ALOX5: variants seen among roughly 807,000 people sequenced by gnomAD.
The protein encoded by ALOX5 is arachidonate 5-lipoxygenase.
ALOX5 carries 64 observed loss-of-function variants against 87.9 expected under a neutral mutation model. The ratio of observed to expected loss-of-function variants is 0.73; its 90% CI spans 0.60 to 0.90. The LOEUF is 0.90. ALOX5 is among the 40% of genes least tolerant of loss of function. The pLI is 0.00. For synonymous variants in ALOX5, 388 were observed against 355.1 expected, an observed-to-expected ratio of 1.09 and a Z score of -1.04; for missense variants, 822 against 907.5, an observed-to-expected ratio of 0.91 and a Z score of 1.21.
chr10:45,405,900 C>A (rs1840866241), intron 3 of ALOX5, among the ~76,000 whole-genome samples: 1 of 152,092 alleles, frequency 6.6e-6, no homozygotes, highest in East Asian at 1.9e-4. Context: ...CACCATGCCC[C>A]ACTCCTGCCA....
At chr10:45,440,115 G>C (rs3780913) in intron 7 of ALOX5, among the ~76,000 whole-genome samples, 112,903 of 152,160 alleles carry the variant, frequency 0.74, 42,445 homozygotes, top group African/African-American at 0.86. Context: ...CTGGGCCTTC[G>C]GCCTGCCCGC....
chr10:45,434,131 G>A (rs533969360), intron 7 of ALOX5, among the ~76,000 whole-genome samples: 6 of 152,310 alleles, frequency 3.9e-5, no homozygotes, highest in African/African-American at 1.2e-4. Context: ...GCCCTGTTGC[G>A]GGGCTGGGGG....
At chr10:45,435,104 G>A (rs1001625315) in intron 7 of ALOX5, among the ~76,000 whole-genome samples, 2 of 152,182 alleles carry the variant, frequency 1.3e-5, no homozygotes, top group Non-Finnish European at 2.9e-5. Context: ...GGATGGGTTG[G>A]GGAAGGCCCA....
At position 45,415,438 on chromosome 10, in the gene ALOX5, G is replaced by T. The variant is rs973299165; in HGVS notation, c.554+3125G>T. On this transcript the variant is annotated intron_variant, in intron 4 of 13. Coordinates refer to ENST00000374391, the MANE Select transcript of ALOX5 (RefSeq NM_000698.5). Reference sequence around the variant, plus strand: ...CATCACACACCAGGGCCTGTCATGGGGTGGGGAGAGGGGGGAGGGATAGCA... The same window carrying T: ...CATCACACACCAGGGCCTGTCATGGTGTGGGGAGAGGGGGGAGGGATAGCA... Among the ~76,000 whole-genome samples, 36 of 152,154 alleles carry T rather than the reference G, an allele frequency of 2.4e-4. 1 individual carries two copies.
Position 45,382,550 on chromosome 10 carries a change from G to T in ALOX5, c.218G>T (p.Arg73Leu). Reference protein sequence around the residue: ...GEIQLVRIEKRKYWLNDDWYL... With the variant: ...GEIQLVRIEKLKYWLNDDWYL... ...ATCCAGCTGGTCAGAATCGAGAAGC[G>T]CAAGTACTGGCTGAATGACGACTGG... The change falls in exon 2 of 14, where the codon CGC becomes CTC. Residue 73 changes from arginine to leucine, a missense_variant. Transcript: ENST00000374391. 6.2e-7 allele frequency: 1 copy of T among 1,614,158 alleles called. No individual in the cohort carries two copies. The highest frequency in any genetic ancestry group is 8.5e-7 in the Non-Finnish European group (1 of 1,180,034).
chr10:45,389,158 A>T (rs145987786), intron 2 of ALOX5, among the ~76,000 whole-genome samples: 2,586 of 152,336 alleles, frequency 0.017, 78 homozygotes, highest in African/African-American at 0.058. Context: ...GAATAAAAAG[A>T]AATGAACGAA....
chr10:45,376,490 G>A (rs1839619099), intron 1 of ALOX5, among the ~76,000 whole-genome samples: 1 of 152,166 alleles, frequency 6.6e-6, no homozygotes, highest in African/African-American at 2.4e-5. Flanking sequence ...CATTCTCCCA[G>A]CTTGGTATCT....
In ALOX5 at chr10:45,445,722, GC is replaced by G. The variant is rs1842420120; in HGVS notation, c.*39del. 1 of 1,588,446 alleles carries G rather than the reference GC, an allele frequency of 6.3e-7. No homozygotes were observed. Among genetic ancestry groups the G allele is most frequent in the South Asian group, 1.1e-5 (1 of 89,922 alleles). ...CAGTCTCACTGTGGGAAGGCCAGCT[GC>G]CCCAGCCAGATGGACTCCAGCCTGC... On this transcript the variant is annotated 3_prime_UTR_variant, in exon 14 of 14. Coordinates refer to ENST00000374391, the MANE Select transcript of ALOX5 (RefSeq NM_000698.5).
chr10:45,424,896 A>G, intron 5 of ALOX5, 64 bp from the exon 6 acceptor site: 1 of 1,587,670 alleles, frequency 6.3e-7, no homozygotes, highest in South Asian at 1.1e-5. Flanking sequence ...TGAGGTCAGG[A>G]GGGCCATGGC....
Position 45,443,019 on chromosome 10 carries a change from A to G in ALOX5, c.1273-19A>G, listed in dbSNP as rs1283394037. 1.9e-6 allele frequency: 3 copies of G among 1,604,826 alleles called. No individual in the cohort carries two copies. The highest frequency in any genetic ancestry group is 2.7e-5 in the African/African-American group (2 of 74,690). ...GTGGGAGGAGCCACCCGCTCAGGGC[A>G]CTCTACCTCCCACTCCAGGCCAACG... On this transcript the variant is annotated intron_variant, in intron 9 of 13. Coordinates refer to ENST00000374391, the MANE Select transcript of ALOX5 (RefSeq NM_000698.5).
intron 1 of ALOX5, among the ~76,000 whole-genome samples, chr10:45,377,923 A>G (rs936700287): frequency 1.3e-5 from 2 of 152,260 alleles, no homozygotes; most frequent in Admixed American, 1.3e-4. Flanking sequence ...AGCAACAAGC[A>G]AAATCAGCAA....
chr10:45,417,275 C>T (rs1372950348), intron 4 of ALOX5, among the ~76,000 whole-genome samples: 1 of 152,112 alleles, frequency 6.6e-6, no homozygotes, highest in Non-Finnish European at 1.5e-5. Context: ...GGTTCTCAAT[C>T]CTGTGTGTTT....
chr10:45,433,743 C>G (rs1003533250), intron 7 of ALOX5, among the ~76,000 whole-genome samples: 10 of 152,210 alleles, frequency 6.6e-5, no homozygotes, highest in African/African-American at 2.2e-4. Flanking sequence ...AGAGAAGTTT[C>G]ATTTAAAAAT....
At chr10:45,375,348 G>A (rs145294963) in intron 1 of ALOX5, among the ~76,000 whole-genome samples, 1 of 152,154 alleles carries the variant, frequency 6.6e-6, no homozygotes, top group South Asian at 2.1e-4. Context: ...TTCTCACTGA[G>A]CCTTTAATGA....
Position 45,428,622 on chromosome 10 carries a change from G to A in ALOX5, c.839G>A (p.Gly280Glu). The change falls in exon 7 of 14, where the codon GGG (glycine) becomes GAG (glutamate). Residue 280 changes from glycine (G) to glutamate (E), a missense_variant. Gly to Glu is a moderately conservative substitution (Grantham distance 98). Coordinates refer to ENST00000374391, the MANE Select transcript of ALOX5 (RefSeq NM_000698.5). ...ACATCTCTCTGCCTCCTGCAGCAAG[G>A]GAACATTTTCATCGTGGACTTTGAG... ...QLSLEQEVQQ[G>E]NIFIVDFELL... is the part of the protein sequence containing the mutation. The A allele has an allele frequency of 6.2e-7, 1 of 1,614,094 alleles. No homozygotes were observed. The highest frequency in any genetic ancestry group is 2.2e-5 in the East Asian group (1 of 44,870).
chr10:45,403,060 G>A (rs1373539843), intron 3 of ALOX5, among the ~76,000 whole-genome samples: 2 of 152,176 alleles, frequency 1.3e-5, no homozygotes, highest in Non-Finnish European at 2.9e-5. Context: ...GGACAAGTTG[G>A]TAAGACCTCC....
chr10:45,392,955 T>C (rs141034184), intron 2 of ALOX5, among the ~76,000 whole-genome samples: 3,423 of 152,242 alleles, frequency 0.022, 126 homozygotes, highest in African/African-American at 0.078. Context: ...ATTGAGGCAA[T>C]AATTAACAGC....
intron 2 of ALOX5, among the ~76,000 whole-genome samples, chr10:45,387,600 C>T (rs1403635111): frequency 6.6e-6 from 1 of 152,168 alleles, no homozygotes; most frequent in East Asian, 1.9e-4. Context: ...TGGAAATGCA[C>T]ACGCAGGCCA....
chr10:45,389,217 T>C (rs1353305465), intron 2 of ALOX5, among the ~76,000 whole-genome samples: 2 of 152,174 alleles, frequency 1.3e-5, no homozygotes, highest in African/African-American at 2.4e-5. Context: ...CTACATCTGA[T>C]TGGTGTACCT....
Sources: gnomAD v4.1 joint callset for allele counts (sites outside exome capture counted in the v4.1 genomes callset) on GRCh38, gnomAD v4.1.1 for gene constraint, MANE v1.5 for transcripts, NCBI Gene and HGNC (gene_info 2026-07-23, HGNC 2026-07-21) for gene names.